The following ADAR variants were observed in gnomAD, a reference collection of about 807,000 sequenced individuals.
ADAR encodes the protein double-stranded RNA-specific adenosine deaminase.
In ADAR, 41 loss-of-function variants were observed where a neutral mutation model predicts 113.2. The observed-to-expected ratio is 0.36, with a 90% CI of 0.28 to 0.47. The LOEUF (loss-of-function observed/expected upper bound fraction) is 0.47, where lower values mean the gene tolerates loss of function less well. Among genes scored for constraint, ADAR ranks in the 20% least tolerant of loss-of-function variants. The pLI is 1.00. For missense variants in ADAR, 1,242 were observed against 1,540.9 expected (o/e 0.81, Z 3.25); for synonymous variants, 605 against 572.6 (o/e 1.06, Z -0.81).
intron 1 of ADAR, among the ~76,000 whole-genome samples, chr1:154,603,254 C>T (rs1433296522): frequency 6.6e-6 from 1 of 152,188 alleles, no homozygotes; most frequent in Non-Finnish European, 1.5e-5. Flanking sequence ...CGAAAACAAT[C>T]TCCAGGTGGG....
intron 1 of ADAR, among the ~76,000 whole-genome samples, chr1:154,624,932 A>G (rs1451847590): frequency 6.6e-6 from 1 of 152,210 alleles, no homozygotes; most frequent in Non-Finnish European, 1.5e-5. Context: ...AAATGCTCAT[A>G]TTACAGTGTG....
intron 2 of ADAR, chr1:154,600,763 C>T (rs1697816843): frequency 4.0e-6 from 2 of 501,644 alleles, no homozygotes; most frequent in South Asian, 4.2e-5. Flanking sequence ...TGAGCCACCG[C>T]GTACGGCCAA....
upstream of ADAR, chr1:154,608,660 C>G (rs187025149): frequency 6.3e-3 from 960 of 152,432 alleles, 1 homozygote; most frequent in Non-Finnish European, 7.8e-3. Flanking sequence ...TTAGGAAAAC[C>G]GCCGTTTCAG....
Position 154,602,135 on chromosome 1 carries a change from C to G in ADAR, c.507G>C (p.Lys169Asn). 1 of 1,614,256 alleles carries G rather than the reference C, an allele frequency of 6.2e-7. No individual in the cohort carries two copies. The highest frequency in any genetic ancestry group is 8.5e-7 in the Non-Finnish European group (1 of 1,180,050). Reference sequence around the variant, plus strand: ...AGTATAAAACTCGATTGATTTCTTTCTTCGGAGTCCCAAGTTTCCCAGACA... The same window carrying G: ...AGTATAAAACTCGATTGATTTCTTTGTTCGGAGTCCCAAGTTTCCCAGACA... ...HDLSGKLGTP[K>N]KEINRVLYSL... The change falls in exon 2 of 15, where the codon AAG (lysine) becomes AAC (asparagine). Residue 169 changes from lysine to asparagine, a missense_variant. Physicochemically the swap from Lys to Asn is moderately conservative, Grantham distance 94 (BLOSUM62 0). Transcript: ENST00000368474.
At position 154,585,878 on chromosome 1, in the gene ADAR, A is replaced by C. The variant is rs1461332677; in HGVS notation, c.3203-13T>G. 1.9e-6 allele frequency: 3 copies of C among 1,607,310 alleles called. No individual in the cohort carries two copies. The African/African-American group carries it at 4.0e-5, about 21-fold the overall frequency. ...CTGAAAAGGTAACCTGAGTACAAAAAAGAGAAACATATATACCTGTGTTTG... is the reference window on the plus strand; with the variant it reads ...CTGAAAAGGTAACCTGAGTACAAAACAGAGAAACATATATACCTGTGTTTG... On this transcript the variant is annotated splice_polypyrimidine_tract_variant and intron_variant, in intron 12 of 14. Coordinates refer to ENST00000368474, the MANE Select transcript of ADAR (RefSeq NM_001111.5).
chr1:154,596,887 C>T lies in ADAR; in HGVS notation c.2188G>A (p.Gly730Ser). ...TGGGAGCGGGCGTACTCCAAAAGGCCACCCACAGGGTTGGTGTTCAGGTAT... is the reference window on the plus strand; with the variant it reads ...TGGGAGCGGGCGTACTCCAAAAGGCTACCCACAGGGTTGGTGTTCAGGTAT... ...VRYLNTNPVG[G>S]LLEYARSHGF... Residue 730 changes from glycine to serine, a missense_variant, in exon 6 of 15, where the codon GGC becomes AGC. This residue lies in a region of ADAR where 780 missense variants were observed against 1,057.9 expected (regional missense o/e 0.74). Coordinates refer to ENST00000368474, the MANE Select transcript of ADAR (RefSeq NM_001111.5). The T allele has an allele frequency of 1.2e-6, 2 of 1,614,162 alleles. No individual in the cohort carries two copies. Among genetic ancestry groups the T allele is most frequent in the Non-Finnish European group, 1.7e-6 (2 of 1,180,026 alleles).
At position 154,589,750 on chromosome 1, in the gene ADAR, C is replaced by T. The variant is rs748254914; in HGVS notation, c.2668+7G>A. ...TGGGAGGCGGCATGTCTCAGAGCCT[C>T]ACTCACCTGTTCCCAAGCTGACGAC... is the stretch of plus-strand genomic sequence containing the variant. On this transcript the variant is annotated splice_region_variant and intron_variant, in intron 8 of 14. Transcript: ENST00000368474. The T allele has an allele frequency of 5.6e-6, 9 of 1,614,120 alleles. No individual in the cohort carries two copies. Among genetic ancestry groups the T allele is most frequent in the Middle Eastern group, 1.6e-4 (1 of 6,062 alleles).
In ADAR at chr1:154,596,917, C is replaced by T. The variant is rs759837017; in HGVS notation, c.2158G>A (p.Val720Met). 8 of 1,614,036 alleles carry T rather than the reference C, an allele frequency of 5.0e-6. No individual in the cohort carries two copies. In the Admixed American group the frequency reaches 5.0e-5, roughly 10 times the overall value. Residue 720 changes from valine to methionine, a missense_variant, in exon 6 of 15, where the codon GTG becomes ATG. Coordinates refer to ENST00000368474, the MANE Select transcript of ADAR (RefSeq NM_001111.5). ...ACAGGGTTGGTGTTCAGGTATCTCACGAGCTCGCCAATCTTCCTGACCTTG... is the reference window on the plus strand; with the variant it reads ...ACAGGGTTGGTGTTCAGGTATCTCATGAGCTCGCCAATCTTCCTGACCTTG... ...PNKVRKIGEL[V>M]RYLNTNPVGG...
chr1:154,598,558 G>A lies in ADAR; in HGVS notation c.1629C>T (p.Gly543=), dbSNP rs777032890. Residue 543 remains glycine, a synonymous_variant, in exon 3 of 15, where the codon GGC becomes GGT. Transcript: ENST00000368474. ...PRFKFQVVIN[G]REFPPAEAGS... Reference sequence around the variant, plus strand: ...CAGCTTCAGCTGGGGGAAACTCTCGGCCATTGATGACAACCTGGAATTTAA... The same window carrying A: ...CAGCTTCAGCTGGGGGAAACTCTCGACCATTGATGACAACCTGGAATTTAA... 6.2e-7 allele frequency: 1 copy of A among 1,614,182 alleles called. No homozygotes were observed. The highest frequency in any genetic ancestry group is 8.5e-7 in the Non-Finnish European group (1 of 1,180,036).
Position 154,598,551 on chromosome 1 carries a change from A to T in ADAR, c.1636T>A (p.Phe546Ile). The T allele has an allele frequency of 6.2e-7, 1 of 1,614,148 alleles. No homozygotes were observed. The highest frequency in any genetic ancestry group is 8.5e-7 in the Non-Finnish European group (1 of 1,180,040). ...KFQVVINGRE[F>I]PPAEAGSKKV... ...TTGCTTCCAGCTTCAGCTGGGGGAA[A>T]CTCTCGGCCATTGATGACAACCTGG... is the stretch of plus-strand genomic sequence containing the variant. Residue 546 changes from phenylalanine to isoleucine, a missense_variant, in exon 3 of 15, where the codon TTT (phenylalanine) becomes ATT (isoleucine). Transcript: ENST00000368474.
At chr1:154,613,491 G>T (rs899549116) in intron 1 of ADAR, among the ~76,000 whole-genome samples, 10 of 151,280 alleles carry the variant, frequency 6.6e-5, no homozygotes, top group Non-Finnish European at 1.2e-4. Flanking sequence ...CACCATGTTG[G>T]CCAGGCTGGT....
intron 1 of ADAR, among the ~76,000 whole-genome samples, chr1:154,607,206 T>C (rs994622190): frequency 6.6e-6 from 1 of 152,102 alleles, no homozygotes; most frequent in Non-Finnish European, 1.5e-5. Flanking sequence ...AATGGACTCA[T>C]ACAGTATGCA....
At chr1:154,612,345 T>TTTTTTTG (rs1698509618), upstream of ADAR, among the ~76,000 whole-genome samples, 1 of 132,472 alleles carries the variant, frequency 7.5e-6, no homozygotes, top group Non-Finnish European at 1.6e-5. Context: ...TTTTTTTTTT[T>TTTTTTTG]GAGATGGAGT....
At chr1:154,596,030 G>A (rs540612869) in intron 6 of ADAR, among the ~76,000 whole-genome samples, 2 of 152,192 alleles carry the variant, frequency 1.3e-5, no homozygotes, top group Admixed American at 6.5e-5. Flanking sequence ...AGGAGCAACC[G>A]GCCATACCAT....
Position 154,598,534 on chromosome 1 carries a change from A to T in ADAR, c.1653T>A (p.Ala551=). ...CCTGCTTGGCCACTTTCTTGCTTCC[A>T]GCTTCAGCTGGGGGAAACTCTCGGC... The part of the protein sequence containing the change: ...INGREFPPAE[A]GSKKVAKQDA... The change falls in exon 3 of 15, where the codon GCT becomes GCA. Residue 551 remains alanine, a synonymous_variant. Coordinates refer to ENST00000368474, the MANE Select transcript of ADAR (RefSeq NM_001111.5). 1 of 1,614,194 alleles carries T rather than the reference A, an allele frequency of 6.2e-7. No homozygotes were observed. The highest frequency in any genetic ancestry group is 2.2e-5 in the East Asian group (1 of 44,880).
Position 154,601,625 on chromosome 1 carries a change from C to T in ADAR, c.1017G>A (p.Arg339=), listed in dbSNP as rs1697884110. Residue 339 remains arginine, a synonymous_variant, in exon 2 of 15, where the codon AGG becomes AGA. Coordinates refer to ENST00000368474, the MANE Select transcript of ADAR (RefSeq NM_001111.5). The surrounding 1 kb of genome is among the most constrained non-coding windows in gnomAD (Gnocchi z 4.7). ...DINAVLIDME[R]QGDVYRQGTT... is the part of the protein sequence containing the mutation. ...TCCCTTGTCTATAGACATCCCCCTG[C>T]CTTTCCATGTCAATTAGCACAGCAT... 1.2e-6 allele frequency: 2 copies of T among 1,613,500 alleles called. No homozygotes were observed. The highest frequency in any genetic ancestry group is 1.7e-6 in the Non-Finnish European group (2 of 1,180,014).
intron 1 of ADAR, among the ~76,000 whole-genome samples, chr1:154,617,516 C>G (rs528498930): frequency 1.4e-4 from 21 of 152,194 alleles, no homozygotes; most frequent in African/African-American, 5.1e-4. Context: ...TGTGAGGACC[C>G]CTTAATAATA....
At chr1:154,624,781 A>G (rs1698889899) in intron 1 of ADAR, among the ~76,000 whole-genome samples, 1 of 152,240 alleles carries the variant, frequency 6.6e-6, no homozygotes, top group African/African-American at 2.4e-5. Context: ...AAATTGCTCT[A>G]TCTCAAGAGA....
chr1:154,584,715 A>G lies in ADAR; in HGVS notation c.*91T>C. 8.5e-7 allele frequency: 1 copy of G among 1,169,972 alleles called. No homozygotes were observed. Among genetic ancestry groups the G allele is most frequent in the Non-Finnish European group, 1.2e-6 (1 of 804,530 alleles). 72.5% of individuals were successfully genotyped at this position (1,169,972 alleles called of 1,614,324 possible). ...AAAAAGAAAAAAAAAGGAGAAAAAA[A>G]AATCCCCTGACCATGTGATGAGGAA... On this transcript the variant is annotated 3_prime_UTR_variant, in exon 15 of 15. Transcript: ENST00000368474.
Sources: gnomAD v4.1 joint callset for allele counts (sites outside exome capture counted in the v4.1 genomes callset) on GRCh38, gnomAD v4.1.1 for gene constraint, gnomAD v4.1.1 regional missense constraint, Gnocchi (gnomAD v3.1) non-coding constraint, MANE v1.5 for transcripts, NCBI Gene and HGNC (gene_info 2026-07-23, HGNC 2026-07-21) for gene names.